The following HHAT variants were observed in gnomAD, a reference collection of about 807,000 sequenced individuals.
HHAT encodes hedgehog acyltransferase, also known as protein-cysteine N-palmitoyltransferase HHAT.
Under a neutral mutation model 70.8 loss-of-function variants are expected in HHAT, and 47 were observed. The ratio of observed to expected loss-of-function variants is 0.66; its 90% CI spans 0.53 to 0.85. The LOEUF is 0.85. HHAT is among the 40% of genes least tolerant of loss of function. The probability of loss-of-function intolerance (pLI) is 0.00; values close to 1 mark genes in which losing one functional copy is unlikely to be tolerated. For synonymous variants in HHAT, 228 were observed against 247.6 expected (o/e 0.92, Z 0.74); for missense variants, 609 against 604.8 (o/e 1.01, Z -0.07).
intron 9 of HHAT, among the ~76,000 whole-genome samples, chr1:210,541,409 G>T (rs886203433): frequency 6.6e-6 from 1 of 152,070 alleles, no homozygotes; most frequent in South Asian, 2.1e-4. Context: ...AGTCTCACAG[G>T]CAGACATAAA....
At chr1:210,509,679 A>C in intron 8 of HHAT, among the ~76,000 whole-genome samples, 1 of 152,208 alleles carries the variant, frequency 6.6e-6, no homozygotes, top group South Asian at 2.1e-4. Flanking sequence ...TTTACTATTA[A>C]CATCCCCCCT....
At chr1:210,490,519 A>G (rs897819307) in intron 8 of HHAT, among the ~76,000 whole-genome samples, 1 of 152,174 alleles carries the variant, frequency 6.6e-6, no homozygotes, top group African/African-American at 2.4e-5. Context: ...AATCAAACCT[A>G]AACATTTTCT....
At chr1:210,623,865 C>A (rs887992871) in intron 11 of HHAT, among the ~76,000 whole-genome samples, 195 bp downstream of exon 11, 1 of 152,116 alleles carries the variant, frequency 6.6e-6, no homozygotes, top group Admixed American at 6.5e-5. Flanking sequence ...TTTTGAGGTA[C>A]CCCATATCTC....
chr1:210,435,056 A>G (rs900697881), intron 7 of HHAT, among the ~76,000 whole-genome samples: 1 of 151,808 alleles, frequency 6.6e-6, no homozygotes, highest in Non-Finnish European at 1.5e-5. Context: ...CTGTTGATCT[A>G]TTGAACAGCA....
chr1:210,674,155 A>G, intron 11 of HHAT, 133 bp from the exon 12 acceptor site: 1 of 695,314 alleles, frequency 1.4e-6, no homozygotes, highest in Non-Finnish European at 2.6e-6. Flanking sequence ...TGAAGTTGTC[A>G]TTACAGCAGA....
At chr1:210,615,968 T>A (rs1019775288) in intron 10 of HHAT, among the ~76,000 whole-genome samples, 1 of 152,120 alleles carries the variant, frequency 6.6e-6, no homozygotes, top group South Asian at 2.1e-4. Context: ...CAAAGCTCAG[T>A]TGGAAATGCA....
chr1:210,517,579 A>G (rs972358919), intron 9 of HHAT, among the ~76,000 whole-genome samples: 1 of 152,220 alleles, frequency 6.6e-6, no homozygotes, highest in Non-Finnish European at 1.5e-5. Flanking sequence ...ATGTCAAGGA[A>G]TACACAATTT....
At chr1:210,354,480 G>T (rs74635326) in intron 2 of HHAT, among the ~76,000 whole-genome samples, 8,312 of 151,932 alleles carry the variant, frequency 0.055, 321 homozygotes, top group South Asian at 0.087. Flanking sequence ...TAATTATGAT[G>T]CAATCTTGAT....
chr1:210,387,468 G>T lies in HHAT; in HGVS notation c.160G>T (p.Asp54Tyr). 5 of 1,613,562 alleles carry T rather than the reference G, an allele frequency of 3.1e-6. No individual in the cohort carries two copies. The highest frequency in any genetic ancestry group is 4.2e-6 in the Non-Finnish European group (5 of 1,179,542). The change falls in exon 4 of 12, where the codon GAT (aspartate) becomes TAT (tyrosine). Residue 54 changes from aspartate (D) to tyrosine (Y), a missense_variant and splice_region_variant. Coordinates refer to ENST00000261458, the MANE Select transcript of HHAT (RefSeq NM_018194.6). ...TDTLFGGLKK[D>Y]ATDFEWSFWM... is the part of the protein sequence containing the mutation. The stretch of plus-strand genomic sequence containing the variant: ...TGATAAACTATTTTGTCCTATTTAG[G>T]ATGCGACCGACTTTGAGTGGAGCTT...
intron 2 of HHAT, among the ~76,000 whole-genome samples, chr1:210,351,002 A>G (rs1002041839): frequency 3.3e-5 from 5 of 152,224 alleles, no homozygotes; most frequent in African/African-American, 1.2e-4. Flanking sequence ...TAGAATCAAT[A>G]GGCTACATAT....
At chr1:210,519,609 C>T (rs934144605) in intron 9 of HHAT, among the ~76,000 whole-genome samples, 2 of 149,454 alleles carry the variant, frequency 1.3e-5, no homozygotes, top group African/African-American at 2.5e-5. Flanking sequence ...CTCACTGCAG[C>T]CTCAACCTCC....
At chr1:210,456,514 T>C (rs900153643) in intron 7 of HHAT, among the ~76,000 whole-genome samples, 11 of 152,214 alleles carry the variant, frequency 7.2e-5, no homozygotes, top group African/African-American at 2.7e-4. Flanking sequence ...ACCAATTGTT[T>C]AGAGCATATT....
intron 11 of HHAT, among the ~76,000 whole-genome samples, chr1:210,666,755 A>G (rs949352142): frequency 2.0e-5 from 3 of 151,724 alleles, no homozygotes; most frequent in African/African-American, 7.2e-5. Context: ...AAGTGCTGGG[A>G]TTATAGGCAT....
chr1:210,653,100 A>C (rs1378756408), intron 11 of HHAT, among the ~76,000 whole-genome samples: 1 of 152,074 alleles, frequency 6.6e-6, no homozygotes, highest in African/African-American at 2.4e-5. Context: ...GCAGAATTCT[A>C]CTAAGCCATT....
At chr1:210,567,629 C>G (rs1655094472) in intron 9 of HHAT, among the ~76,000 whole-genome samples, 1 of 152,154 alleles carries the variant, frequency 6.6e-6, no homozygotes, top group Non-Finnish European at 1.5e-5. Context: ...TTTCTCCATT[C>G]CTTTCCATCC....
chr1:210,571,947 A>G (rs897377691), intron 9 of HHAT, among the ~76,000 whole-genome samples: 2 of 152,174 alleles, frequency 1.3e-5, no homozygotes, highest in Non-Finnish European at 2.9e-5. Flanking sequence ...ACTTTACTCA[A>G]TTACCATGGG....
At chr1:210,481,295 G>GT (rs536046488) in intron 8 of HHAT, among the ~76,000 whole-genome samples, 93 of 152,190 alleles carry the variant, frequency 6.1e-4, no homozygotes, top group African/African-American at 1.6e-3. Context: ...ACATAACTTT[G>GT]TTTTTTTGAA....
At chr1:210,631,246 C>T (rs1187575938) in intron 11 of HHAT, 1 of 395,802 alleles carries the variant, frequency 2.5e-6, no homozygotes, top group Non-Finnish European at 5.0e-6. Flanking sequence ...TAAATCATGA[C>T]AGGCAACCAC....
intron 10 of HHAT, among the ~76,000 whole-genome samples, chr1:210,593,523 T>C (rs1425585646): frequency 6.6e-6 from 1 of 152,204 alleles, no homozygotes; most frequent in Non-Finnish European, 1.5e-5. Flanking sequence ...TATTCCATTG[T>C]TCAGAGAAGA....
Sources: gnomAD v4.1 joint callset for allele counts (sites outside exome capture counted in the v4.1 genomes callset) on GRCh38, gnomAD v4.1.1 for gene constraint, MANE v1.5 for transcripts, NCBI Gene and HGNC (gene_info 2026-07-23, HGNC 2026-07-21) for gene names.